Variants in TENM1 observed in about 807,000 individuals in gnomAD.
TENM1 encodes the protein teneurin transmembrane protein 1.
In TENM1, 35 loss-of-function variants were observed where a neutral mutation model predicts 174.8. The ratio of observed to expected loss-of-function variants is 0.20; its 90% CI spans 0.15 to 0.27. The LOEUF (loss-of-function observed/expected upper bound fraction) is 0.27, where lower values mean the gene tolerates loss of function less well. TENM1 is among the 10% of genes least tolerant of loss of function. The pLI is 1.00. For missense variants in TENM1, 1,633 were observed against 2,130.1 expected (o/e 0.77, Z 4.59); for synonymous variants, 781 against 798.7 (o/e 0.98, Z 0.37).
intron 23 of TENM1, among the ~76,000 whole-genome samples, chrX:124,424,608 G>A (rs1043692576): frequency 1.4e-4 from 16 of 111,420 alleles, no homozygotes; most frequent in Non-Finnish European, 2.8e-4. Flanking sequence ...TTCACTTAAC[G>A]TAGTGTCTGA....
intron 1 of TENM1, among the ~76,000 whole-genome samples, chrX:124,941,188 C>G (rs2058320488): frequency 1.8e-5 from 2 of 111,766 alleles, no homozygotes; most frequent in Admixed American, 1.9e-4. Flanking sequence ...CCACTGAAAT[C>G]TTTCTTATTT....
intron 1 of TENM1, among the ~76,000 whole-genome samples, chrX:124,937,996 C>T (rs1330383532): frequency 9.0e-6 from 1 of 111,581 alleles, no homozygotes; most frequent in Non-Finnish European, 1.9e-5. Context: ...ACATTTTTCA[C>T]TGAAATTTAG....
intron 3 of TENM1, among the ~76,000 whole-genome samples, chrX:124,860,457 C>T (rs1475777633): frequency 8.9e-6 from 1 of 111,997 alleles, no homozygotes; most frequent in Non-Finnish European, 1.9e-5. Context: ...GCAGTCTTTT[C>T]TCATCCATAT....
chrX:124,828,979 T>C (rs2056230790), intron 3 of TENM1, among the ~76,000 whole-genome samples: 2 of 111,953 alleles, frequency 1.8e-5, no homozygotes, highest in South Asian at 7.4e-4. Context: ...CATTTTTTCA[T>C]GAATTATTAT....
intron 22 of TENM1, among the ~76,000 whole-genome samples, chrX:124,468,892 A>G (rs548544599): frequency 8.9e-6 from 1 of 112,107 alleles, no homozygotes; most frequent in African/African-American, 3.2e-5. Flanking sequence ...ATGGTTTTAC[A>G]TGTAGATCTA....
chrX:124,381,032 T>C, exon 32 of TENM1: 2 of 1,211,979 alleles, frequency 1.7e-6, no homozygotes, highest in Non-Finnish European at 2.2e-6. Flanking sequence ...ATGTAGGTTT[T>C]CCAGGTAATG....
intron 8 of TENM1, among the ~76,000 whole-genome samples, chrX:124,647,711 C>T (rs1187372060): frequency 1.9e-5 from 2 of 105,702 alleles, no homozygotes; most frequent in Admixed American, 2.0e-4. Context: ...GCTTTATTCT[C>T]GCAGGGATTT....
At chrX:124,724,788 C>A (rs776959159) in intron 4 of TENM1, among the ~76,000 whole-genome samples, 2 of 111,275 alleles carry the variant, frequency 1.8e-5, no homozygotes, top group South Asian at 7.8e-4. Flanking sequence ...AGGGCAAGAT[C>A]CTGTCTCAAA....
upstream of TENM1, among the ~76,000 whole-genome samples, chrX:124,967,955 AAAC>A (rs746780889): frequency 1.3e-4 from 15 of 112,204 alleles, no homozygotes; most frequent in Middle Eastern, 4.6e-3. Context: ...TAGATACTGG[AAAC>A]AACAAGGGAA....
chrX:124,382,648 A>AGGT (rs1007204264), intron 31 of TENM1, 22 bp downstream of exon 34: 1 of 1,195,384 alleles, frequency 8.4e-7, no homozygotes, highest in African/African-American at 1.8e-5. Flanking sequence ...AGCTAAAAGG[A>AGGT]GGTGATAAAA....
chrX:124,438,435 C>A (rs1431570527), intron 23 of TENM1, among the ~76,000 whole-genome samples: 1 of 110,738 alleles, frequency 9.0e-6, no homozygotes, highest in Admixed American at 9.7e-5. Flanking sequence ...ACCTGCTGAG[C>A]AAAATGTGTG....
intron 3 of TENM1, among the ~76,000 whole-genome samples, chrX:124,820,323 C>T (rs1340765335): frequency 9.0e-6 from 1 of 111,169 alleles, no homozygotes; most frequent in African/African-American, 3.3e-5. Context: ...TCCTTCCTCC[C>T]AGCCGCCCCC....
At chrX:124,841,532 G>A (rs924118118) in intron 3 of TENM1, among the ~76,000 whole-genome samples, 3 of 109,465 alleles carry the variant, frequency 2.7e-5, no homozygotes, top group African/African-American at 1.0e-4. Context: ...GTAACCTGGG[G>A]TTTCTCAAAA....
chrX:125,089,404 A>T, the TENM1 span, among the ~76,000 whole-genome samples: 1 of 111,890 alleles, frequency 8.9e-6, no homozygotes, highest in Non-Finnish European at 1.9e-5. Flanking sequence ...TAAAATTGAA[A>T]AGCAGAAGGA....
intron 22 of TENM1, among the ~76,000 whole-genome samples, chrX:124,471,693 T>C (rs1192504940): frequency 3.4e-5 from 3 of 88,067 alleles, no homozygotes; most frequent in African/African-American, 4.2e-5. Flanking sequence ...TTATATAATA[T>C]ATAATATAGA....
chrX:124,759,043 G>A (rs2054340310), intron 3 of TENM1, among the ~76,000 whole-genome samples: 1 of 111,623 alleles, frequency 9.0e-6, no homozygotes, highest in South Asian at 3.7e-4. Context: ...TATTTTATGT[G>A]TTTTTATCAA....
intron 5 of TENM1, among the ~76,000 whole-genome samples, chrX:124,697,209 A>G (rs1023300256): frequency 3.6e-5 from 4 of 111,454 alleles, no homozygotes; most frequent in South Asian, 3.8e-4. Flanking sequence ...GTTAACTATA[A>G]CACAGTACAC....
At chrX:125,181,762 T>A in the TENM1 span, among the ~76,000 whole-genome samples, 3 of 110,628 alleles carry the variant, frequency 2.7e-5, no homozygotes, top group Admixed American at 2.9e-4. Context: ...AGTGATAGAA[T>A]TGCCAGGTTT....
At chrX:124,418,952 T>C (rs1285771122) in intron 25 of TENM1, among the ~76,000 whole-genome samples, 1 of 112,035 alleles carries the variant, frequency 8.9e-6, no homozygotes, top group Non-Finnish European at 1.9e-5. Context: ...AACTATTTTG[T>C]CCTTCAGTTT....
Sources: gnomAD v4.1 joint callset for allele counts (sites outside exome capture counted in the v4.1 genomes callset) on GRCh38, gnomAD v4.1.1 for gene constraint, MANE v1.5 for transcripts, NCBI Gene and HGNC (gene_info 2026-07-23, HGNC 2026-07-21) for gene names.